The following TCP11 variants were observed in gnomAD, a reference collection of about 807,000 sequenced individuals.
The protein encoded by TCP11 is T-complex protein 11 homolog.
Under a neutral mutation model 45.0 loss-of-function variants are expected in TCP11, and 34 were observed. The ratio of observed to expected loss-of-function variants is 0.76; its 90% CI spans 0.57 to 1.01. The LOEUF (loss-of-function observed/expected upper bound fraction) is 1.01. Among genes scored for constraint, TCP11 ranks in the 50% least tolerant of loss-of-function variants. TCP11 has a pLI of 0.00. For synonymous variants in TCP11, 227 were observed against 227.0 expected, an observed-to-expected ratio of 1.00 and a Z score of 0.00; for missense variants, 523 against 598.1, an observed-to-expected ratio of 0.87 and a Z score of 1.31.
At chr6:35,135,740 TA>T (rs1410186973) in intron 3 of TCP11, among the ~76,000 whole-genome samples, 1 of 151,204 alleles carries the variant, frequency 6.6e-6, no homozygotes, top group Non-Finnish European at 1.5e-5. Context: ...TCCAAAAAAA[TA>T]AAAACAACCA....
At chr6:35,119,731 T>C (rs1326351510) in intron 8 of TCP11, among the ~76,000 whole-genome samples, 3 of 152,260 alleles carry the variant, frequency 2.0e-5, no homozygotes, top group African/African-American at 7.2e-5. Context: ...TTTATATATA[T>C]ATGTTTAAGA....
intron 2 of TCP11, among the ~76,000 whole-genome samples, chr6:35,136,557 C>A (rs191151567): frequency 0.027 from 2,679 of 100,308 alleles, 48 homozygotes; most frequent in Middle Eastern, 0.057. Flanking sequence ...AAACATTCAT[C>A]TAAGTATTAA....
intron 3 of TCP11, among the ~76,000 whole-genome samples, chr6:35,133,269 C>A (rs6920196): frequency 0.038 from 5,758 of 152,108 alleles, 204 homozygotes; most frequent in African/African-American, 0.1. Context: ...CTTGACCTCC[C>A]AGGCTCAAGT....
At chr6:35,127,063 C>T (rs1779907698) in intron 4 of TCP11, among the ~76,000 whole-genome samples, 1 of 152,138 alleles carries the variant, frequency 6.6e-6, no homozygotes, top group Admixed American at 6.5e-5. Flanking sequence ...CCTGATAACC[C>T]ACTTGCAGGA....
At chr6:35,134,273 CTTTT>C (rs34368428) in intron 3 of TCP11, among the ~76,000 whole-genome samples, 19 of 105,094 alleles carry the variant, frequency 1.8e-4, no homozygotes, top group Admixed American at 4.4e-4. Context: ...CACCCATAAG[CTTTT>C]TTTTTTTTTT....
In TCP11 at chr6:35,129,044, A is replaced by C; in HGVS notation, c.357+18T>G. The C allele has an allele frequency of 6.2e-7, 1 of 1,611,618 alleles. No homozygotes were observed. ...AGATGTCTAGAAACTTTACATTTAC[A>C]AATGGAAGGTCACTCACCTCTTTAA... On this transcript the variant is annotated intron_variant, in intron 4 of 9. Coordinates refer to ENST00000311875, the MANE Select transcript of TCP11 (RefSeq NM_001370687.1).
At chr6:35,118,788 G>A (rs1162279419) in intron 9 of TCP11, among the ~76,000 whole-genome samples, 2 of 152,220 alleles carry the variant, frequency 1.3e-5, no homozygotes, top group African/African-American at 4.8e-5. Context: ...GAGGAACTTA[G>A]ACTGATCCTT....
intron 4 of TCP11, 45 bp downstream of exon 4, chr6:35,129,017 G>A: frequency 6.2e-7 from 1 of 1,603,562 alleles, no homozygotes; most frequent in South Asian, 1.1e-5. Context: ...CCAATGAGCT[G>A]GAGATGTCTA....
intron 3 of TCP11, among the ~76,000 whole-genome samples, chr6:35,130,093 A>G (rs537611972): frequency 6.6e-6 from 1 of 152,288 alleles, no homozygotes; most frequent in African/African-American, 2.4e-5. Flanking sequence ...AAGGCAATTC[A>G]ATTTAGAAAT....
At chr6:35,129,843 A>ATT (rs1780205852) in intron 3 of TCP11, among the ~76,000 whole-genome samples, 1 of 152,212 alleles carries the variant, frequency 6.6e-6, no homozygotes, top group Admixed American at 6.5e-5. Flanking sequence ...GGCACAATCA[A>ATT]GGCTCACTGA....
intron 4 of TCP11, among the ~76,000 whole-genome samples, chr6:35,123,651 CTTTTTTT>C (rs3045081): frequency 6.2e-5 from 8 of 128,030 alleles, no homozygotes; most frequent in African/African-American, 2.3e-4. Context: ...AGTTTTCTTT[CTTTTTTT>C]TTTTTTTTTT....
At chr6:35,137,991 C>T (rs924251617) in intron 2 of TCP11, 1 of 347,006 alleles carries the variant, frequency 2.9e-6, no homozygotes, top group Non-Finnish European at 5.6e-6. Context: ...GAGAATGCCC[C>T]TGTTCTTAGA....
chr6:35,134,651 T>C (rs1417989683), intron 3 of TCP11, among the ~76,000 whole-genome samples: 1 of 152,240 alleles, frequency 6.6e-6, no homozygotes, highest in African/African-American at 2.4e-5. Flanking sequence ...GTAGTTGTTA[T>C]ACCATATTGG....
intron 4 of TCP11, among the ~76,000 whole-genome samples, chr6:35,124,482 C>T (rs1466934642): frequency 6.6e-6 from 1 of 152,172 alleles, no homozygotes; most frequent in Non-Finnish European, 1.5e-5. Context: ...AGAAAGTAAA[C>T]ACCTTACTAT....
At chr6:35,128,229 G>A (rs1232645737) in intron 4 of TCP11, 1 of 152,176 alleles carries the variant, frequency 6.6e-6, no homozygotes, top group African/African-American at 2.4e-5. Flanking sequence ...CATTCAGATT[G>A]TTGGCAGAAT....
At chr6:35,133,744 C>T (rs138563579) in intron 3 of TCP11, among the ~76,000 whole-genome samples, 2 of 151,790 alleles carry the variant, frequency 1.3e-5, no homozygotes, top group East Asian at 2.0e-4. Flanking sequence ...AAGCTGAGAT[C>T]GCGCCACTGC....
chr6:35,140,855 CCTT>C lies in TCP11; in HGVS notation c.13_15del (p.Lys5del). On this transcript the variant is annotated inframe_deletion, in exon 2 of 10. Coordinates refer to ENST00000311875, the MANE Select transcript of TCP11 (RefSeq NM_001370687.1). ...CCAGGATATTTCGGGGGCACACTCT[CCTT>C]GACGTCTGGCATTTTGCTGATGGTA... 6.3e-7 allele frequency: 1 copy of C among 1,576,594 alleles called. No homozygotes were observed. Among genetic ancestry groups the C allele is most frequent in the Non-Finnish European group, 8.6e-7 (1 of 1,164,728 alleles).
chr6:35,135,101 C>T (rs1354101357), intron 3 of TCP11, among the ~76,000 whole-genome samples: 3 of 150,300 alleles, frequency 2.0e-5, no homozygotes, highest in African/African-American at 4.9e-5. Flanking sequence ...GAGCCGAGAT[C>T]GCGCCATTGC....
intron 3 of TCP11, among the ~76,000 whole-genome samples, chr6:35,134,658 T>C (rs1780858354): frequency 6.6e-6 from 1 of 152,222 alleles, no homozygotes; most frequent in African/African-American, 2.4e-5. Flanking sequence ...TTATACCATA[T>C]TGGTTTTTAA....
Sources: gnomAD v4.1 joint callset for allele counts (sites outside exome capture counted in the v4.1 genomes callset) on GRCh38, gnomAD v4.1.1 for gene constraint, MANE v1.5 for transcripts, NCBI Gene and HGNC (gene_info 2026-07-23, HGNC 2026-07-21) for gene names.